Variants in VGLL4 observed in about 807,000 individuals in gnomAD.
VGLL4 encodes transcription cofactor vestigial-like protein 4.
In VGLL4, 7 loss-of-function variants were observed where a neutral mutation model predicts 21.0. The ratio of observed to expected loss-of-function variants is 0.33; its 90% CI spans 0.19 to 0.63. The LOEUF (loss-of-function observed/expected upper bound fraction) is 0.63, where lower values mean the gene tolerates loss of function less well. Among genes scored for constraint, VGLL4 ranks in the 20% least tolerant of loss-of-function variants. VGLL4 has a pLI of 0.78. For missense variants in VGLL4, 394 were observed against 425.7 expected (o/e 0.93, Z 0.66); for synonymous variants, 222 against 173.2 (o/e 1.28, Z -2.21).
chr3:11,580,612 T>C (rs147761938), intron 2 of VGLL4, among the ~76,000 whole-genome samples: 117 of 152,352 alleles, frequency 7.7e-4, no homozygotes, highest in African/African-American at 2.7e-3. Flanking sequence ...TCATTTAACG[T>C]TTGGCCCTCT....
At chr3:11,597,834 C>T (rs964581609) in intron 2 of VGLL4, among the ~76,000 whole-genome samples, 5 of 152,076 alleles carry the variant, frequency 3.3e-5, no homozygotes, top group African/African-American at 1.2e-4. Flanking sequence ...AGGACCCAGA[C>T]CAAACCCCTG....
intron 3 of VGLL4, among the ~76,000 whole-genome samples, chr3:11,563,080 T>G (rs199673030): frequency 2.0e-5 from 3 of 152,214 alleles, no homozygotes; most frequent in African/African-American, 4.8e-5. Context: ...TCAAGAGCCC[T>G]GAAGAGTCAA....
chr3:11,619,718 A>AC lies in VGLL4; in HGVS notation c.83-17697dup, dbSNP rs2075229574. ...GATTACACAATATTCCCCTTATTCCACCCCATTCACCCCTGTACAGTGCCC... is the reference window on the plus strand; with the variant it reads ...GATTACACAATATTCCCCTTATTCCACCCCCATTCACCCCTGTACAGTGCCC... On this transcript the variant is annotated intron_variant, in intron 1 of 4. Transcript: ENST00000430365. Among the ~76,000 whole-genome samples the AC allele has an allele frequency of 2.0e-5, 3 of 151,964 alleles. No individual in the cohort carries two copies. In the South Asian group the frequency reaches 6.2e-4, roughly 32 times the overall value.
chr3:11,601,894 C>G lies in VGLL4; in HGVS notation c.211G>C (p.Glu71Gln), dbSNP rs77883256. 1.1e-5 allele frequency: 17 copies of G among 1,613,640 alleles called. No individual in the cohort carries two copies. The highest frequency in any genetic ancestry group is 1.7e-5 in the Admixed American group (1 of 59,942). ...KRKFSMEPGD[E>Q]DLDCDNDHVS... ...TGGTCGTTGTCACAGTCTAGGTCCTCGTCACCTGGCTCCATGCTGAACTTC... is the reference window on the plus strand; with the variant it reads ...TGGTCGTTGTCACAGTCTAGGTCCTGGTCACCTGGCTCCATGCTGAACTTC... Residue 71 changes from glutamate (E) to glutamine (Q), a missense_variant, in exon 2 of 5, where the codon GAG (glutamate) becomes CAG (glutamine). By Grantham distance (29) the Glu-to-Gln change is conservative. Coordinates refer to ENST00000430365, the MANE Select transcript of VGLL4 (RefSeq NM_001128219.3).
rs1329919468 is a variant in VGLL4 at position 11,558,647 on chromosome 3, C to A, written c.800G>T (p.Ser267Ile). 1 of 1,611,638 alleles carries A rather than the reference C, an allele frequency of 6.2e-7. No individual in the cohort carries two copies. Among genetic ancestry groups the A allele is most frequent in the African/African-American group, 1.3e-5 (1 of 74,930 alleles). The change falls in exon 5 of 5, where the codon AGC becomes ATC. Residue 267 changes from serine to isoleucine, a missense_variant. Physicochemically the swap from Ser to Ile is moderately radical, Grantham distance 142. Transcript: ENST00000430365. ...QIKAAKDGAS[S>I]SPESASRRGQ... ...CCTGCGAGAGGCGGACTCAGGGCTG[C>A]TGGATGCTCCGTCCTTGGCCGCTTT...
At chr3:11,710,780 T>C (rs917063305) in intron 1 of VGLL4, among the ~76,000 whole-genome samples, 6 of 152,282 alleles carry the variant, frequency 3.9e-5, no homozygotes, top group South Asian at 2.1e-4. Context: ...CACCATGGCA[T>C]GGGGTGTACT....
intron 1 of VGLL4, among the ~76,000 whole-genome samples, chr3:11,616,310 GTCTTCA>G (rs2075162047): frequency 6.6e-6 from 1 of 152,038 alleles, no homozygotes; most frequent in East Asian, 1.9e-4. Context: ...GTGTTCCTTG[GTCTTCA>G]GTGTCTGAAA....
Position 11,558,453 on chromosome 3 carries a change from T to A in VGLL4, c.*103A>T. 3.2e-4 allele frequency: 313 copies of A among 983,996 alleles called. No individual in the cohort carries two copies. The highest frequency in any genetic ancestry group is 6.2e-4 in the East Asian group (19 of 30,464). 61.0% of individuals were successfully genotyped at this position (983,996 alleles called of 1,614,324 possible). On this transcript the variant is annotated 3_prime_UTR_variant, in exon 5 of 5. Coordinates refer to ENST00000430365, the MANE Select transcript of VGLL4 (RefSeq NM_001128219.3). ...TTTTGCAAATAAACCATCCCTTCCCTTCCCCCCACCCCACCCCCATGATTT... is the reference window on the plus strand; with the variant it reads ...TTTTGCAAATAAACCATCCCTTCCCATCCCCCCACCCCACCCCCATGATTT...
At position 11,617,932 on chromosome 3, in the gene VGLL4, A is replaced by G. The variant is rs141277188; in HGVS notation, c.83-15910T>C. ...ATTTTTATTCTTGAAGAAAACTGTC[A>G]GTATACTCATTTTCTTTAAACAATT... On this transcript the variant is annotated intron_variant, in intron 1 of 4. Transcript: ENST00000430365. Among the ~76,000 whole-genome samples, 764 of 152,356 alleles carry G rather than the reference A, an allele frequency of 5.0e-3. 2 individuals carry two copies. The highest frequency in any genetic ancestry group is 8.3e-3 in the Non-Finnish European group (565 of 68,036).
chr3:11,578,840 C>T (rs1193690919), intron 2 of VGLL4, among the ~76,000 whole-genome samples: 1 of 149,944 alleles, frequency 6.7e-6, no homozygotes, highest in Non-Finnish European at 1.5e-5. Flanking sequence ...AGCTCCACCT[C>T]CCAGGTTCAC....
At chr3:11,563,781 TCAAA>T (rs1046655468) in intron 3 of VGLL4, among the ~76,000 whole-genome samples, 5 of 152,234 alleles carry the variant, frequency 3.3e-5, no homozygotes, top group African/African-American at 4.8e-5. Context: ...AATGGATGAA[TCAAA>T]CAAACAGGAT....
intron 2 of VGLL4, among the ~76,000 whole-genome samples, chr3:11,596,339 C>T (rs2074639756): frequency 6.6e-6 from 1 of 152,218 alleles, no homozygotes; most frequent in Non-Finnish European, 1.5e-5. Flanking sequence ...CATCCTGTGA[C>T]TATTATACCC....
chr3:11,706,926 G>A (rs530788802), intron 1 of VGLL4, among the ~76,000 whole-genome samples: 2 of 152,144 alleles, frequency 1.3e-5, no homozygotes, highest in Non-Finnish European at 2.9e-5. Flanking sequence ...CTGACAGCTG[G>A]CCTTCAGGTT....
chr3:11,630,765 AG>A (rs1375915363), intron 1 of VGLL4, among the ~76,000 whole-genome samples: 1 of 152,262 alleles, frequency 6.6e-6, no homozygotes, highest in African/African-American at 2.4e-5. Context: ...TTGCTTAAAA[AG>A]TTAAACGTAC....
intron 2 of VGLL4, among the ~76,000 whole-genome samples, chr3:11,676,773 C>T (rs2076297719): frequency 6.6e-6 from 1 of 151,904 alleles, no homozygotes; most frequent in African/African-American, 2.4e-5. Context: ...AAAAAATAGT[C>T]CCTACAATAA....
chr3:11,626,302 A>G (rs747775346), intron 1 of VGLL4: 18 of 448,514 alleles, frequency 4.0e-5, no homozygotes, highest in Non-Finnish European at 7.6e-5. Flanking sequence ...CCTTTCCAAA[A>G]AAATACACTG....
chr3:11,655,610 C>G (rs2075945921), intron 2 of VGLL4, among the ~76,000 whole-genome samples: 1 of 152,206 alleles, frequency 6.6e-6, no homozygotes, highest in Non-Finnish European at 1.5e-5. Context: ...CTGCAGTGAG[C>G]CCAGAAATGG....
chr3:11,597,493 AAAAC>A (rs2125256746), intron 2 of VGLL4, among the ~76,000 whole-genome samples: 1 of 152,350 alleles, frequency 6.6e-6, no homozygotes, highest in African/African-American at 2.4e-5. Context: ...CTTAAAACTT[AAAAC>A]TTACATTTGT....
chr3:11,704,730 T>C (rs563076576), intron 1 of VGLL4, among the ~76,000 whole-genome samples: 1 of 152,336 alleles, frequency 6.6e-6, no homozygotes, highest in South Asian at 2.1e-4. Flanking sequence ...TCTCCCGTTG[T>C]GGGGACAGAA....
Sources: gnomAD v4.1 joint callset for allele counts (sites outside exome capture counted in the v4.1 genomes callset) on GRCh38, gnomAD v4.1.1 for gene constraint, MANE v1.5 for transcripts, NCBI Gene and HGNC (gene_info 2026-07-23, HGNC 2026-07-21) for gene names.